The following GRID1 variants were observed in gnomAD, a reference collection of about 807,000 sequenced individuals.
The protein encoded by GRID1 is glutamate ionotropic receptor delta type subunit 1.
GRID1 carries 28 observed loss-of-function variants against 98.0 expected under a neutral mutation model. The ratio of observed to expected loss-of-function variants is 0.29; its 90% confidence interval spans 0.21 to 0.39. The LOEUF is 0.39. Among genes scored for constraint, GRID1 ranks in the 10% least tolerant of loss-of-function variants. The probability of loss-of-function intolerance (pLI) is 1.00; values close to 1 mark genes in which losing one functional copy is unlikely to be tolerated. For missense variants in GRID1, 1,111 were observed against 1,340.5 expected (o/e 0.83, Z 2.67); for synonymous variants, 553 against 538.5 (o/e 1.03, Z -0.37).
At chr10:85,706,625 T>A (rs1841522093) in intron 12 of GRID1, among the ~76,000 whole-genome samples, 1 of 152,108 alleles carries the variant, frequency 6.6e-6, no homozygotes, top group Admixed American at 6.5e-5. Flanking sequence ...AAAGTTCATA[T>A]GGAACCAAAA....
chr10:85,886,834 GGAAAGTTCC>G (rs1841124348), intron 5 of GRID1, among the ~76,000 whole-genome samples: 1 of 152,010 alleles, frequency 6.6e-6, no homozygotes, highest in African/African-American at 2.4e-5. Context: ...GTAAAATTTT[GGAAAGTTCC>G]GATATCAGAG....
At chr10:85,795,374 A>G (rs963626349) in intron 8 of GRID1, among the ~76,000 whole-genome samples, 1 of 152,218 alleles carries the variant, frequency 6.6e-6, no homozygotes, top group African/African-American at 2.4e-5. Context: ...GTTCTGCAGC[A>G]TGTCAGTCTT....
chr10:85,602,917 G>A (rs1204652196), intron 15 of GRID1, among the ~76,000 whole-genome samples: 1 of 152,150 alleles, frequency 6.6e-6, no homozygotes, highest in Non-Finnish European at 1.5e-5. Context: ...ATGTAGCAAA[G>A]AAGATGCCAT....
At chr10:85,756,889 C>T (rs1428777291) in intron 8 of GRID1, among the ~76,000 whole-genome samples, 1 of 152,222 alleles carries the variant, frequency 6.6e-6, no homozygotes, top group African/African-American at 2.4e-5. Flanking sequence ...ATCCTCAAGA[C>T]AACCTAATGA....
At chr10:85,621,073 A>T (rs2132523171) in intron 13 of GRID1, among the ~76,000 whole-genome samples, 1 of 152,282 alleles carries the variant, frequency 6.6e-6, no homozygotes, top group East Asian at 1.9e-4. Context: ...GAGTTTGGGC[A>T]CTCGGAGGGA....
intron 4 of GRID1, among the ~76,000 whole-genome samples, chr10:86,061,841 GT>G (rs940852465): frequency 2.0e-5 from 3 of 152,146 alleles, no homozygotes; most frequent in South Asian, 2.1e-4. Context: ...TTGTTGTTCT[GT>G]TTGGTTTTGT....
intron 3 of GRID1, among the ~76,000 whole-genome samples, chr10:86,190,457 G>T (rs573443229): frequency 6.6e-6 from 1 of 152,336 alleles, no homozygotes; most frequent in South Asian, 2.1e-4. Flanking sequence ...TGTCAGGGAG[G>T]GGCTGGGCAG....
intron 4 of GRID1, among the ~76,000 whole-genome samples, chr10:85,958,747 C>T (rs943326494): frequency 3.3e-5 from 5 of 151,966 alleles, no homozygotes; most frequent in African/African-American, 4.8e-5. Flanking sequence ...CACCTGAGGT[C>T]GGAAGTTCAA....
chr10:85,957,132 T>G (rs777759218), intron 4 of GRID1, among the ~76,000 whole-genome samples: 2 of 152,164 alleles, frequency 1.3e-5, no homozygotes, highest in Non-Finnish European at 2.9e-5. Flanking sequence ...CCCCATGATC[T>G]AATCACCTCC....
Position 85,615,731 on chromosome 10 carries a change from T to A in GRID1, c.2361-2084A>T, listed in dbSNP as rs796156253. 2.0e-5 allele frequency among the ~76,000 whole-genome samples: 3 copies of A among 152,214 alleles called. No individual in the cohort carries two copies. In the South Asian group the frequency reaches 6.2e-4, roughly 32 times the overall value. Reference sequence around the variant, plus strand: ...GCAGTGTTGCACCACCTCATATGGATCATGTCGGGCCAACTCCGTGGCTAC... The same window carrying A: ...GCAGTGTTGCACCACCTCATATGGAACATGTCGGGCCAACTCCGTGGCTAC... On this transcript the variant is annotated intron_variant, in intron 14 of 15. Transcript: ENST00000327946.
At chr10:85,667,954 C>T (rs1841041849) in intron 12 of GRID1, among the ~76,000 whole-genome samples, 1 of 152,222 alleles carries the variant, frequency 6.6e-6, no homozygotes, top group South Asian at 2.1e-4. Flanking sequence ...ATTCCCCATC[C>T]CTAAGCCCTA....
At chr10:85,661,217 T>C (rs1051803227) in intron 12 of GRID1, among the ~76,000 whole-genome samples, 1 of 151,720 alleles carries the variant, frequency 6.6e-6, no homozygotes, top group African/African-American at 2.4e-5. Flanking sequence ...GTCATCACAG[T>C]CTCAGCACTC....
intron 13 of GRID1, among the ~76,000 whole-genome samples, chr10:85,639,303 G>T (rs539126452): frequency 4.6e-5 from 7 of 152,264 alleles, no homozygotes; most frequent in African/African-American, 1.7e-4. Flanking sequence ...TTTGTTGGGT[G>T]AAAGAATGAA....
At chr10:86,161,412 G>A (rs938612567) in intron 3 of GRID1, among the ~76,000 whole-genome samples, 1 of 152,062 alleles carries the variant, frequency 6.6e-6, no homozygotes, top group Non-Finnish European at 1.5e-5. Flanking sequence ...CAGCATTTAC[G>A]AAGCTCCCAC....
chr10:86,004,820 T>TG (rs1842842196), intron 4 of GRID1, among the ~76,000 whole-genome samples: 1 of 152,014 alleles, frequency 6.6e-6, no homozygotes, highest in East Asian at 1.9e-4. Flanking sequence ...TGCCCAGTAT[T>TG]GCAGCAGCTG....
intron 4 of GRID1, among the ~76,000 whole-genome samples, chr10:86,137,739 G>A (rs1479156180): frequency 2.6e-5 from 4 of 152,302 alleles, no homozygotes; most frequent in African/African-American, 4.8e-5. Flanking sequence ...GCGGACCACC[G>A]GCGTGATTCG....
chr10:86,161,538 G>GTGCCCTAAGCCAAAAAGTA (rs1845323893), intron 3 of GRID1, among the ~76,000 whole-genome samples: 1 of 152,178 alleles, frequency 6.6e-6, no homozygotes, highest in South Asian at 2.1e-4. Flanking sequence ...GGCTCAGTGA[G>GTGCCCTAAGCCAAAAAGTA]TGCCCTAAGC....
chr10:85,720,819 T>G (rs2132647874), intron 12 of GRID1, among the ~76,000 whole-genome samples: 1 of 152,268 alleles, frequency 6.6e-6, no homozygotes, highest in Middle Eastern at 3.4e-3. Flanking sequence ...AGGAAAAGAC[T>G]TGACATCAAA....
intron 12 of GRID1, among the ~76,000 whole-genome samples, chr10:85,716,885 T>C (rs1195655151): frequency 6.6e-6 from 1 of 152,108 alleles, no homozygotes; most frequent in African/African-American, 2.4e-5. Context: ...TCACTTATAT[T>C]TGGAATCTAA....
Sources: allele counts gnomAD v4.1 joint callset (sites outside exome capture counted in the v4.1 genomes callset), GRCh38; gene constraint gnomAD v4.1.1; transcripts MANE v1.5; gene names NCBI Gene and HGNC (gene_info 2026-07-23, HGNC 2026-07-21).